The following FAF1 variants were observed in gnomAD, a reference collection of about 807,000 sequenced individuals.
FAF1 encodes the protein FAS-associated factor 1.
A neutral mutation model predicts 92.5 loss-of-function variants in FAF1; 25 were observed. That is an observed-to-expected ratio of 0.27 (90% CI 0.20 to 0.38). FAF1 has a LOEUF of 0.38. Ranked by LOEUF, FAF1 falls within the 10% of genes least tolerant of loss-of-function variation. The probability of loss-of-function intolerance (pLI) is 1.00; values close to 1 mark genes in which losing one functional copy is unlikely to be tolerated. For missense variants in FAF1, 636 were observed against 793.3 expected (o/e 0.80, Z 2.38); for synonymous variants, 234 against 273.2 (o/e 0.86, Z 1.42).
chr1:50,748,709 ATC>A (rs1192359977), intron 4 of FAF1, among the ~76,000 whole-genome samples: 2 of 152,224 alleles, frequency 1.3e-5, no homozygotes, highest in Admixed American at 1.3e-4. Context: ...TCTTTCATAT[ATC>A]TGCTTATGTT....
intron 6 of FAF1, among the ~76,000 whole-genome samples, chr1:50,724,270 TACATATACACACACACACACAC>T (rs1658534717): frequency 1.6e-5 from 2 of 124,288 alleles, no homozygotes; most frequent in South Asian, 2.4e-4. Context: ...CATATATATA[TACATATACACACACACACACAC>T]ACATACACAC....
At chr1:50,452,949 T>C (rs541653378) in intron 18 of FAF1, among the ~76,000 whole-genome samples, 3 of 152,342 alleles carry the variant, frequency 2.0e-5, no homozygotes, top group South Asian at 4.1e-4. Flanking sequence ...TGGGTCTATC[T>C]CCTTCACACT....
At chr1:50,891,326 AG>A (rs1309360546) in intron 1 of FAF1, among the ~76,000 whole-genome samples, 1 of 152,022 alleles carries the variant, frequency 6.6e-6, no homozygotes, top group East Asian at 1.9e-4. Context: ...AGCCCAGAGA[AG>A]TTTGGTCTTC....
chr1:50,911,451 T>G (rs1313444212), intron 1 of FAF1, among the ~76,000 whole-genome samples: 1 of 151,214 alleles, frequency 6.6e-6, no homozygotes, highest in Non-Finnish European at 1.5e-5. Flanking sequence ...ATCCCAGCAC[T>G]CTGGGAGGCC....
intron 3 of FAF1, among the ~76,000 whole-genome samples, chr1:50,797,759 T>C (rs1032655325): frequency 1.3e-5 from 2 of 152,170 alleles, no homozygotes; most frequent in African/African-American, 4.8e-5. Flanking sequence ...TAGACCCAGT[T>C]ACTCAGGAGG....
intron 1 of FAF1, among the ~76,000 whole-genome samples, chr1:50,872,892 T>C (rs1449319280): frequency 6.8e-6 from 1 of 146,496 alleles, no homozygotes; most frequent in Non-Finnish European, 1.5e-5. Flanking sequence ...ACAGCGAAAC[T>C]CCGTCTGGAA....
chr1:50,620,054 G>T (rs1653118726), intron 8 of FAF1, among the ~76,000 whole-genome samples: 1 of 151,942 alleles, frequency 6.6e-6, no homozygotes, highest in South Asian at 2.1e-4. Context: ...GACTACAGGT[G>T]CCCACCACTA....
intron 7 of FAF1, among the ~76,000 whole-genome samples, chr1:50,692,930 T>C (rs1657003561): frequency 6.6e-6 from 1 of 152,236 alleles, no homozygotes; most frequent in Admixed American, 6.5e-5. Flanking sequence ...CTTTTTATTA[T>C]TGAGTTGTAA....
At chr1:50,606,163 T>G (rs777915806) in intron 8 of FAF1, among the ~76,000 whole-genome samples, 54 of 152,222 alleles carry the variant, frequency 3.5e-4, no homozygotes, top group Non-Finnish European at 7.5e-4. Flanking sequence ...GTGTTTTCAG[T>G]TGCAATGCCC....
chr1:50,959,425 A>G (rs1400808125), intron 1 of FAF1, among the ~76,000 whole-genome samples: 2 of 152,022 alleles, frequency 1.3e-5, no homozygotes, highest in African/African-American at 4.8e-5. Flanking sequence ...GAACCACCCA[A>G]AACATCCCAT....
chr1:50,849,540 T>C (rs1437134586), intron 2 of FAF1, among the ~76,000 whole-genome samples: 1 of 152,106 alleles, frequency 6.6e-6, no homozygotes, highest in Non-Finnish European at 1.5e-5. Flanking sequence ...AGCATAGAAT[T>C]TGTGAGAGTG....
chr1:50,462,178 T>A (rs1046589867), intron 18 of FAF1: 2 of 151,926 alleles, frequency 1.3e-5, no homozygotes, highest in African/African-American at 4.8e-5. Context: ...CTGCTTTGTA[T>A]CCTTTTGCTC....
At chr1:50,709,156 G>C (rs976374931) in intron 6 of FAF1, among the ~76,000 whole-genome samples, 2 of 152,132 alleles carry the variant, frequency 1.3e-5, no homozygotes, top group Admixed American at 6.5e-5. Flanking sequence ...TCAAAAACAA[G>C]CTCACTACAA....
chr1:50,799,802 C>G (rs572453379), intron 3 of FAF1, among the ~76,000 whole-genome samples: 4 of 152,290 alleles, frequency 2.6e-5, no homozygotes, highest in African/African-American at 9.6e-5. Flanking sequence ...AAACAAAGAT[C>G]CTTTTAACTG....
chr1:50,832,964 G>T (rs979866058), intron 2 of FAF1, among the ~76,000 whole-genome samples: 1 of 151,936 alleles, frequency 6.6e-6, no homozygotes, highest in Non-Finnish European at 1.5e-5. Flanking sequence ...CTTTTTTGCA[G>T]CGAAGACAGG....
intron 7 of FAF1, among the ~76,000 whole-genome samples, chr1:50,679,128 T>A (rs747709387): frequency 6.6e-6 from 1 of 152,186 alleles, no homozygotes; most frequent in African/African-American, 2.4e-5. Context: ...AGATCTTTTA[T>A]CTACCAAACA....
intron 17 of FAF1, among the ~76,000 whole-genome samples, chr1:50,479,875 T>A (rs536320810): frequency 6.6e-6 from 1 of 152,122 alleles, no homozygotes; most frequent in Non-Finnish European, 1.5e-5. Flanking sequence ...ACCTTGAGAT[T>A]TGAATATCCA....
At chr1:50,551,913 A>C (rs1017815242) in intron 13 of FAF1, among the ~76,000 whole-genome samples, 2 of 152,200 alleles carry the variant, frequency 1.3e-5, no homozygotes, top group African/African-American at 4.8e-5. Context: ...TGCACTGAGC[A>C]CTTACTCTGT....
chr1:50,538,553 CAAA>C (rs34003582), intron 14 of FAF1, among the ~76,000 whole-genome samples: 16 of 78,036 alleles, frequency 2.1e-4, no homozygotes, highest in Admixed American at 2.8e-4. Context: ...GTAAAAAAGG[CAAA>C]AAAAAAAAAA....
Sources: gnomAD v4.1 joint callset for allele counts (sites outside exome capture counted in the v4.1 genomes callset) on GRCh38, gnomAD v4.1.1 for gene constraint, MANE v1.5 for transcripts, NCBI Gene and HGNC (gene_info 2026-07-23, HGNC 2026-07-21) for gene names.